The following FSTL4 variants were observed in gnomAD, a reference collection of about 807,000 sequenced individuals.
FSTL4 encodes follistatin like 4, also known as follistatin-related protein 4.
Under a neutral mutation model 78.2 loss-of-function variants are expected in FSTL4, and 28 were observed. The ratio of observed to expected loss-of-function variants is 0.36; its 90% CI spans 0.27 to 0.49. FSTL4 has a LOEUF of 0.49. Ranked by LOEUF, FSTL4 falls within the 20% of genes least tolerant of loss-of-function variation. The pLI is 0.98. For missense variants in FSTL4, 922 were observed against 1,084.9 expected, an observed-to-expected ratio of 0.85 and a Z score of 2.11; for synonymous variants, 422 against 440.5, an observed-to-expected ratio of 0.96 and a Z score of 0.53.
At chr5:133,530,549 C>T (rs823986) in intron 3 of FSTL4, among the ~76,000 whole-genome samples, 56,111 of 152,074 alleles carry the variant, frequency 0.37, 10,520 homozygotes, top group East Asian at 0.42. Flanking sequence ...TAGTTTCTGC[C>T]TTCAAGGAGA....
chr5:133,616,319 A>G (rs1761197999), upstream of FSTL4, among the ~76,000 whole-genome samples: 1 of 149,944 alleles, frequency 6.7e-6, no homozygotes, highest in Admixed American at 6.6e-5. Context: ...AAATCTATCT[A>G]TCTATCTATC....
At chr5:133,663,394 A>G in the FSTL4 span, among the ~76,000 whole-genome samples, 2 of 152,170 alleles carry the variant, frequency 1.3e-5, no homozygotes, top group African/African-American at 4.8e-5. Flanking sequence ...ATTTTTTGTG[A>G]GCTTTTGGTT....
At chr5:133,461,045 C>T (rs1349251194) in intron 3 of FSTL4, among the ~76,000 whole-genome samples, 1 of 152,212 alleles carries the variant, frequency 6.6e-6, no homozygotes, top group Non-Finnish European at 1.5e-5. Context: ...AGTCAAACCA[C>T]ATTCAGGAGA....
At chr5:133,649,205 G>C in the FSTL4 span, among the ~76,000 whole-genome samples, 2 of 152,214 alleles carry the variant, frequency 1.3e-5, no homozygotes, top group East Asian at 3.9e-4. Context: ...TAGCTCATTT[G>C]TTTATAGTGC....
intron 3 of FSTL4, among the ~76,000 whole-genome samples, chr5:133,407,032 T>A (rs777566488): frequency 2.0e-5 from 3 of 152,240 alleles, no homozygotes; most frequent in Non-Finnish European, 2.9e-5. Context: ...AGGATCTAGA[T>A]GTCCATAGTG....
chr5:133,495,785 C>A (rs1482076268), intron 3 of FSTL4, among the ~76,000 whole-genome samples: 2 of 152,172 alleles, frequency 1.3e-5, no homozygotes, highest in African/African-American at 4.8e-5. Context: ...GCACTGTGAC[C>A]AAAATCTGTC....
chr5:133,724,347 C>T, the FSTL4 span, among the ~76,000 whole-genome samples: 1 of 152,194 alleles, frequency 6.6e-6, no homozygotes, highest in East Asian at 1.9e-4. Context: ...GTGGCAGAGG[C>T]AAGGTGTTTC....
chr5:133,393,426 A>G (rs10479039), intron 4 of FSTL4, among the ~76,000 whole-genome samples: 52,340 of 152,128 alleles, frequency 0.34, 9,626 homozygotes, highest in African/African-American at 0.45. Context: ...TGGGCATTCA[A>G]CAGATGTCTG....
chr5:133,499,999 C>A (rs929551988), intron 3 of FSTL4, among the ~76,000 whole-genome samples: 1 of 152,116 alleles, frequency 6.6e-6, no homozygotes, highest in South Asian at 2.1e-4. Flanking sequence ...CTCTCATGGG[C>A]CAGGAAAAGG....
intron 4 of FSTL4, among the ~76,000 whole-genome samples, chr5:133,334,820 C>T (rs1754428448): frequency 4.6e-5 from 7 of 152,152 alleles, no homozygotes; most frequent in Admixed American, 4.6e-4. Flanking sequence ...CTCTGCCATC[C>T]TGGGCTGGGC....
the FSTL4 span, among the ~76,000 whole-genome samples, chr5:133,756,706 G>C: frequency 6.6e-6 from 1 of 152,124 alleles, no homozygotes. Flanking sequence ...GTAGAGTTGT[G>C]ATTTGTCATT....
chr5:133,488,335 A>C lies in FSTL4; in HGVS notation c.160+78851T>G, dbSNP rs147681303. The stretch of plus-strand genomic sequence containing the variant: ...AGTGGCACAATCTCTGCTCACTGCA[A>C]CCTCTGCCTGCTGGGTTCAAGCGAT... On this transcript the variant is annotated intron_variant, in intron 3 of 15. Coordinates refer to ENST00000265342, the MANE Select transcript of FSTL4 (RefSeq NM_015082.2). 5.6e-3 allele frequency among the ~76,000 whole-genome samples: 852 copies of C among 152,262 alleles called. 5 individuals carry two copies. The highest frequency in any genetic ancestry group is 0.018 in the African/African-American group (741 of 41,558).
At chr5:133,790,195 G>A in the FSTL4 span, among the ~76,000 whole-genome samples, 1 of 152,174 alleles carries the variant, frequency 6.6e-6, no homozygotes, top group Non-Finnish European at 1.5e-5. Flanking sequence ...CCATAAGTTA[G>A]AAAGCCAGTA....
chr5:133,526,184 A>T (rs1039168318), intron 3 of FSTL4, among the ~76,000 whole-genome samples: 2 of 152,216 alleles, frequency 1.3e-5, no homozygotes, highest in Non-Finnish European at 2.9e-5. Context: ...CATGATATTT[A>T]TGAGGCCTAC....
chr5:133,339,282 G>T (rs982324249), intron 4 of FSTL4, among the ~76,000 whole-genome samples: 1 of 152,164 alleles, frequency 6.6e-6, no homozygotes, highest in African/African-American at 2.4e-5. Flanking sequence ...TGACTGCTTT[G>T]CCCTATCATG....
intron 3 of FSTL4, among the ~76,000 whole-genome samples, chr5:133,550,871 G>A (rs1269737948): frequency 6.6e-6 from 1 of 152,190 alleles, no homozygotes; most frequent in African/African-American, 2.4e-5. Context: ...CTTTTAGGTA[G>A]AATGGAGTTT....
chr5:133,739,540 A>G, the FSTL4 span, among the ~76,000 whole-genome samples: 2 of 152,166 alleles, frequency 1.3e-5, no homozygotes, highest in African/African-American at 4.8e-5. Context: ...TGAGATGAGT[A>G]GAAATCATGC....
chr5:133,320,321 T>C lies in FSTL4; in HGVS notation c.410-3669A>G, dbSNP rs529325310. On this transcript the variant is annotated intron_variant, in intron 4 of 15. Transcript: ENST00000265342. ...AATTCCAGTTTTATTTTTACATTCC[T>C]GCCCCCTGCTGGTTTCACTGTGGGG... Among the ~76,000 whole-genome samples, 194 of 152,196 alleles carry C rather than the reference T, an allele frequency of 1.3e-3. 1 individual carries two copies. The highest frequency in any genetic ancestry group is 2.6e-3 in the Non-Finnish European group (177 of 68,032).
chr5:133,400,920 C>A lies in FSTL4; in HGVS notation c.227G>T (p.Cys76Phe). ...CTCCCCTGTCTTCCTGCTGAGCACG[C>A]ACCGGCTCCCTCGGCTGCAGAACTT... Reference protein sequence around the residue: ...GKKFCSRGSRCVLSRKTGEPE... With the variant: ...GKKFCSRGSRFVLSRKTGEPE... Residue 76 changes from cysteine to phenylalanine, a missense_variant, in exon 4 of 16, where the codon TGC becomes TTC. Cys to Phe is a radical substitution (Grantham distance 205). Coordinates refer to ENST00000265342, the MANE Select transcript of FSTL4 (RefSeq NM_015082.2). 6.2e-7 allele frequency: 1 copy of A among 1,613,624 alleles called. No individual in the cohort carries two copies. Among genetic ancestry groups the A allele is most frequent in the Non-Finnish European group, 8.5e-7 (1 of 1,180,016 alleles).
Sources: allele counts gnomAD v4.1 joint callset (sites outside exome capture counted in the v4.1 genomes callset), GRCh38; gene constraint gnomAD v4.1.1; transcripts MANE v1.5; gene names NCBI Gene and HGNC (gene_info 2026-07-23, HGNC 2026-07-21).